Variants in ALYREF observed in about 807,000 individuals in gnomAD.
ALYREF encodes THO complex subunit 4.
A neutral mutation model predicts 25.2 loss-of-function variants in ALYREF; 1 was observed. That is an observed-to-expected ratio of 0.04 (90% CI 0.01 to 0.19). The LOEUF (loss-of-function observed/expected upper bound fraction) is 0.19, where lower values mean the gene tolerates loss of function less well. ALYREF is among the 10% of genes least tolerant of loss of function. ALYREF has a pLI of 1.00. For missense variants in ALYREF, 328 were observed against 375.6 expected, an observed-to-expected ratio of 0.87 and a Z score of 1.05; for synonymous variants, 193 against 153.5, an observed-to-expected ratio of 1.26 and a Z score of -1.90.
At position 81,891,564 on chromosome 17, in the gene ALYREF, G is replaced by A. The variant is rs534127714; in HGVS notation, c.17C>T (p.Pro6Leu). 5.6e-6 allele frequency: 8 copies of A among 1,439,564 alleles called. No individual in the cohort carries two copies. The highest frequency in any genetic ancestry group is 4.5e-5 in the African/African-American group (3 of 67,016). 89.2% of individuals were successfully genotyped at this position (1,439,564 alleles called of 1,614,324 possible). A position where few individuals can be genotyped will look rare whatever the true frequency, so the allele number is the denominator to read the frequency against. The change falls in exon 1 of 6, where the codon CCC (proline) becomes CTC (leucine). Residue 6 changes from proline to leucine, a missense_variant. Around this residue, in one of 3 missense-constraint regions of ALYREF, gnomAD observed 150 missense variants for 135.3 expected, o/e 1.11. Transcript: ENST00000505490. ...CATGTCCATTTTGTCGGCCATGGCG[G>A]GCGCGGAATCGGGCATCGGCTCGAG... MPDSA[P>L]AMADKMDMSL...
rs376754269 is a variant in ALYREF, at chr17:81,888,599, C to T, written c.539-16G>A. On this transcript the variant is annotated splice_polypyrimidine_tract_variant and intron_variant, in intron 3 of 5. Transcript: ENST00000505490. The surrounding 1 kb of genome is among the most constrained non-coding windows in gnomAD (Gnocchi z 5.8). ...ATGGGGCGGCCTGCGGCAAAGAATACGAGAAGGCACGTTCTATTGAGAGGC... is the reference window on the plus strand; with the variant it reads ...ATGGGGCGGCCTGCGGCAAAGAATATGAGAAGGCACGTTCTATTGAGAGGC... 2.5e-6 allele frequency: 4 copies of T among 1,581,666 alleles called. No individual in the cohort carries two copies. Among genetic ancestry groups the T allele is most frequent in the South Asian group, 2.3e-5 (2 of 87,176 alleles).
At position 81,888,523 on chromosome 17, in the gene ALYREF, T is replaced by G; in HGVS notation, c.599A>C (p.Gln200Pro). Residue 200 changes from glutamine (Q) to proline (P), a missense_variant, in exon 4 of 6, where the codon CAG becomes CCG. Around this residue, in one of 3 missense-constraint regions of ALYREF, gnomAD observed 108 missense variants for 110.5 expected, o/e 0.98. Transcript: ENST00000505490. The surrounding 1 kb of genome is among the most constrained non-coding windows in gnomAD (Gnocchi z 5.8). ...SQIDAQRRPA[Q>P]SVNRGGMTRN... ...CCCCAGAGGCCCCGGAAGTCACCTC[T>G]GTGCAGGCCTCCGCTGTGCGTCAAT... The G allele has an allele frequency of 6.3e-7, 1 of 1,598,972 alleles. No homozygotes were observed. Among genetic ancestry groups the G allele is most frequent in the Non-Finnish European group, 8.5e-7 (1 of 1,171,980 alleles).
At chr17:81,891,118 C>T (rs2039516491) in intron 1 of ALYREF, 1 of 638,424 alleles carries the variant, frequency 1.6e-6, no homozygotes. Context: ...TGGGAAGGGT[C>T]TCAGCCTCCG....
Position 81,888,517 on chromosome 17 carries a change from C to A in ALYREF, c.602+3G>T. The A allele has an allele frequency of 3.8e-6, 6 of 1,599,066 alleles. No individual in the cohort carries two copies. Among genetic ancestry groups the A allele is most frequent in the Non-Finnish European group, 5.1e-6 (6 of 1,171,998 alleles). ...CCCCTTCCCCAGAGGCCCCGGAAGT[C>A]ACCTCTGTGCAGGCCTCCGCTGTGC... is the stretch of plus-strand genomic sequence containing the variant. On this transcript the variant is annotated splice_donor_region_variant and intron_variant, in intron 4 of 5. Coordinates refer to ENST00000505490, the MANE Select transcript of ALYREF (RefSeq NM_005782.4). The surrounding 1 kb of genome is among the most constrained non-coding windows in gnomAD (Gnocchi z 5.8).
At chr17:81,890,507 C>G (rs1198906777) in intron 2 of ALYREF, among the ~76,000 whole-genome samples, 182 bp downstream of exon 2, 2 of 152,198 alleles carry the variant, frequency 1.3e-5, no homozygotes. Context: ...TCAGGCTCAG[C>G]TAGGCTCGCA....
At chr17:81,890,965 A>T in intron 1 of ALYREF, 145 bp from the exon 2 acceptor site, 17 of 1,259,740 alleles carry the variant, frequency 1.3e-5, no homozygotes, top group Non-Finnish European at 1.9e-5. Context: ...CCGGCGCTGC[A>T]GCTGCCCCAG....
At position 81,888,367 on chromosome 17, in the gene ALYREF, A is replaced by G; in HGVS notation, c.654T>C (p.Gly218=). Residue 218 remains glycine, a synonymous_variant, in exon 5 of 6, where the codon GGT becomes GGC. Transcript: ENST00000505490. The surrounding 1 kb of genome is among the most constrained non-coding windows in gnomAD (Gnocchi z 5.8). ...GGGTGCCTCTCCGGGTGCCTCCACCACCACCAAAACCTCCAGCGCCACGGT... is the reference window on the plus strand; with the variant it reads ...GGGTGCCTCTCCGGGTGCCTCCACCGCCACCAAAACCTCCAGCGCCACGGT... The part of the protein sequence containing the change: ...TRNRGAGGFG[G]GGGTRRGTRG... 6.2e-7 allele frequency: 1 copy of G among 1,602,928 alleles called. No homozygotes were observed. Among genetic ancestry groups the G allele is most frequent in the Non-Finnish European group, 8.5e-7 (1 of 1,177,418 alleles).
chr17:81,891,169 C>T (rs1317942599), intron 1 of ALYREF, among the ~76,000 whole-genome samples, 154 bp downstream of exon 1: 1 of 149,294 alleles, frequency 6.7e-6, no homozygotes, highest in African/African-American at 2.5e-5. Context: ...CCGCCCACCA[C>T]CCCCTCCGCG....
At chr17:81,890,374 G>T (rs2039496538) in intron 2 of ALYREF, among the ~76,000 whole-genome samples, 1 of 152,076 alleles carries the variant, frequency 6.6e-6, no homozygotes. Flanking sequence ...AAAGCAACTG[G>T]GCTGGGTCTA....
Position 81,888,368 on chromosome 17 carries a change from C to G in ALYREF, c.653G>C (p.Gly218Ala). 1.2e-6 allele frequency: 2 copies of G among 1,602,980 alleles called. No individual in the cohort carries two copies. Among genetic ancestry groups the G allele is most frequent in the Non-Finnish European group, 1.7e-6 (2 of 1,177,398 alleles). Residue 218 changes from glycine to alanine, a missense_variant, in exon 5 of 6, where the codon GGT becomes GCT. Transcript: ENST00000505490. The surrounding 1 kb of genome is among the most constrained non-coding windows in gnomAD (Gnocchi z 5.8). ...GGTGCCTCTCCGGGTGCCTCCACCA[C>G]CACCAAAACCTCCAGCGCCACGGTT... ...TRNRGAGGFG[G>A]GGGTRRGTRG... is the part of the protein sequence containing the mutation.
intron 1 of ALYREF, 139 bp from the exon 2 acceptor site, chr17:81,890,959 C>G (rs2039511225): frequency 7.6e-7 from 1 of 1,322,680 alleles, no homozygotes; most frequent in Non-Finnish European, 1.0e-6. Flanking sequence ...CTCCCTCCGG[C>G]GCTGCAGCTG....
At chr17:81,889,360 A>C (rs768590270) in intron 2 of ALYREF, 31 bp from the exon 3 acceptor site, 1 of 1,608,384 alleles carries the variant, frequency 6.2e-7, no homozygotes, top group South Asian at 1.1e-5. Flanking sequence ...TTGTCAGAAA[A>C]GCAACAAAAC....
chr17:81,891,443 G>A lies in ALYREF; in HGVS notation c.138C>T (p.Gly46=). ...CTCGCGCGGCGGCCTGCGCCCCACC[G>A]CCGCGGCCGCCCTGGGAGCCGGCCC... ...RGRAGSQGGR[G]GGAQAAARVN... is the part of the protein sequence containing the mutation. Residue 46 remains glycine, a synonymous_variant, in exon 1 of 6, where the codon GGC becomes GGT. Transcript: ENST00000505490. The A allele has an allele frequency of 2.9e-6, 3 of 1,017,340 alleles. No homozygotes were observed. The highest frequency in any genetic ancestry group is 3.5e-6 in the Non-Finnish European group (3 of 855,408). 63.0% of individuals were successfully genotyped at this position (1,017,340 alleles called of 1,614,324 possible). A position where few individuals can be genotyped will look rare whatever the true frequency, so the allele number is the denominator to read the frequency against.
In ALYREF at chr17:81,888,859, CGAA is replaced by C. The variant is rs2039465736; in HGVS notation, c.539-279_539-277del. On this transcript the variant is annotated intron_variant, in intron 3 of 5. Transcript: ENST00000505490. The surrounding 1 kb of genome is among the most constrained non-coding windows in gnomAD (Gnocchi z 5.8). The stretch of plus-strand genomic sequence containing the variant: ...GGGTGGAGAGGTGTGGGTGACCTGA[CGAA>C]GAAGAACCGGTACCTTTGTCTTTAC... 10 of 1,408,620 alleles carry C rather than the reference CGAA, an allele frequency of 7.1e-6. No individual in the cohort carries two copies. The highest frequency in any genetic ancestry group is 5.3e-4 in the Middle Eastern group (2 of 3,794). 87.3% of individuals were successfully genotyped at this position (1,408,620 alleles called of 1,614,324 possible).
chr17:81,890,906 C>T (rs2039509545), intron 1 of ALYREF, 86 bp from the exon 2 acceptor site: 2 of 1,581,118 alleles, frequency 1.3e-6, no homozygotes, highest in Non-Finnish European at 1.7e-6. Flanking sequence ...GACCCTTCCT[C>T]TTCCCGGCCT....
chr17:81,890,839 C>G lies in ALYREF; in HGVS notation c.259-19G>C. ...GTTTTGGCTGAAAAAAAAACCGCAACAAGAGCAGATCTGTGAGTCTCAGTC... is the reference window on the plus strand; with the variant it reads ...GTTTTGGCTGAAAAAAAAACCGCAAGAAGAGCAGATCTGTGAGTCTCAGTC... On this transcript the variant is annotated intron_variant, in intron 1 of 5. Coordinates refer to ENST00000505490, the MANE Select transcript of ALYREF (RefSeq NM_005782.4). 6.2e-7 allele frequency: 1 copy of G among 1,614,068 alleles called. No individual in the cohort carries two copies. Among genetic ancestry groups the G allele is most frequent in the Non-Finnish European group, 8.5e-7 (1 of 1,179,962 alleles).
Position 81,891,344 on chromosome 17 carries a change from G to T in ALYREF, c.237C>A (p.Asn79Lys). 2.6e-6 allele frequency: 3 copies of T among 1,161,102 alleles called. No individual in the cohort carries two copies. The East Asian group carries it at 1.4e-4, about 54-fold the overall frequency. 71.9% of individuals were successfully genotyped at this position (1,161,102 alleles called of 1,614,324 possible). The change falls in exon 1 of 6, where the codon AAC becomes AAA. Residue 79 changes from asparagine to lysine, a missense_variant. By Grantham distance (94) the Asn-to-Lys change is moderately conservative (BLOSUM62 0). Transcript: ENST00000505490. ...ARGAAGGGGRNRPAPYSRPKQ... is the reference protein window; with the variant it reads ...ARGAAGGGGRKRPAPYSRPKQ... Reference sequence around the variant, plus strand: ...TCACCCTGCTGTAGGGCGCCGGTCGGTTCCTGCCGCCTCCGCCGGCCGCGC... The same window carrying T: ...TCACCCTGCTGTAGGGCGCCGGTCGTTTCCTGCCGCCTCCGCCGGCCGCGC...
intron 2 of ALYREF, 75 bp from the exon 3 acceptor site, chr17:81,889,404 G>A: frequency 1.9e-6 from 3 of 1,552,076 alleles, no homozygotes; most frequent in Non-Finnish European, 1.8e-6. Flanking sequence ...GACAGGCCCT[G>A]GAAGCGTGAG....
At chr17:81,889,476 G>A (rs1012995003) in intron 2 of ALYREF, 147 bp from the exon 3 acceptor site, 18 of 886,742 alleles carry the variant, frequency 2.0e-5, no homozygotes, top group Admixed American at 4.8e-5. Flanking sequence ...AGGGAAGGGC[G>A]GGGCAGGAGG....
Sources: gnomAD v4.1 joint callset for allele counts (sites outside exome capture counted in the v4.1 genomes callset) on GRCh38, gnomAD v4.1.1 for gene constraint, gnomAD v4.1.1 regional missense constraint, Gnocchi (gnomAD v3.1) non-coding constraint, MANE v1.5 for transcripts, NCBI Gene and HGNC (gene_info 2026-07-23, HGNC 2026-07-21) for gene names.